Variants in ZFHX3 observed in about 807,000 individuals in gnomAD.
ZFHX3 encodes the protein zinc finger homeobox 3, also known as zinc finger homeobox protein 3.
A neutral mutation model predicts 279.1 loss-of-function variants in ZFHX3; 42 were observed. That is an observed-to-expected ratio of 0.15 (90% CI 0.12 to 0.19). The LOEUF (loss-of-function observed/expected upper bound fraction) is 0.19. ZFHX3 is among the 10% of genes least tolerant of loss of function. The probability of loss-of-function intolerance (pLI) is 1.00; values close to 1 mark genes in which losing one functional copy is unlikely to be tolerated. For missense variants in ZFHX3, 4,981 were observed against 4,754.0 expected, an observed-to-expected ratio of 1.05 and a Z score of -1.40; for synonymous variants, 2,293 against 1,957.8, an observed-to-expected ratio of 1.17 and a Z score of -4.52.
In ZFHX3 at chr16:73,228,044, T is replaced by A. The variant is rs1012724311; in HGVS notation, c.-1104+29003A>T. On this transcript the variant is annotated intron_variant, in intron 5 of 17. Transcript: ENST00000641206. ...ATCTCCATTTTAAAGATAAGGAGAA[T>A]GAGAACCAGAGAAAGTAAATGACTT... Among the ~76,000 whole-genome samples the A allele has an allele frequency of 2.6e-5, 4 of 152,188 alleles. 1 individual carries two copies. The highest frequency in any genetic ancestry group is 2.6e-4 in the Admixed American group (4 of 15,286).
At chr16:73,428,245 C>G (rs746121068) in intron 3 of ZFHX3, among the ~76,000 whole-genome samples, 5 of 152,148 alleles carry the variant, frequency 3.3e-5, no homozygotes, top group Admixed American at 6.5e-5. Flanking sequence ...CGGGGGCACA[C>G]ATGCCGGCCT....
intron 4 of ZFHX3, among the ~76,000 whole-genome samples, chr16:72,862,379 T>C (rs1447824686): frequency 6.6e-6 from 1 of 152,252 alleles, no homozygotes; most frequent in African/African-American, 2.4e-5. Context: ...AGCCTAAATG[T>C]TACCACCTTA....
intron 3 of ZFHX3, among the ~76,000 whole-genome samples, chr16:73,351,786 G>A (rs1406598155): frequency 6.6e-6 from 1 of 152,184 alleles, no homozygotes; most frequent in Non-Finnish European, 1.5e-5. Flanking sequence ...AGCCTTCCAG[G>A]GGGGCAGGTC....
chr16:72,852,927 T>A (rs1364610922), intron 4 of ZFHX3, among the ~76,000 whole-genome samples: 1 of 152,230 alleles, frequency 6.6e-6, no homozygotes, highest in Non-Finnish European at 1.5e-5. Flanking sequence ...CCATTCTGGA[T>A]CCAACTGGAC....
intron 8 of ZFHX3, among the ~76,000 whole-genome samples, chr16:73,079,677 T>C (rs191246522): frequency 4.8e-4 from 73 of 152,068 alleles, no homozygotes; most frequent in Admixed American, 4.5e-3. Context: ...AACCTACACA[T>C]GCTGTATTCT....
intron 1 of ZFHX3, among the ~76,000 whole-genome samples, chr16:73,745,120 A>T (rs757259478): frequency 2.6e-5 from 4 of 152,228 alleles, no homozygotes; most frequent in Non-Finnish European, 4.4e-5. Context: ...TTTTCTTTAT[A>T]GGAAGGGTGG....
At chr16:72,839,421 C>G (rs1237013359) in intron 4 of ZFHX3, among the ~76,000 whole-genome samples, 2 of 152,116 alleles carry the variant, frequency 1.3e-5, no homozygotes, top group African/African-American at 2.4e-5. Flanking sequence ...GTATTTTACA[C>G]AGTTTAACCT....
At chr16:73,000,847 A>G (rs1017011231) in intron 1 of ZFHX3, among the ~76,000 whole-genome samples, 4 of 152,196 alleles carry the variant, frequency 2.6e-5, no homozygotes, top group African/African-American at 9.7e-5. Context: ...CCTTAGGCAA[A>G]GCAATTTTGA....
chr16:73,158,486 C>CT lies in ZFHX3; in HGVS notation c.-1103-14656dup, dbSNP rs567160610. Among the ~76,000 whole-genome samples the CT allele has an allele frequency of 8.5e-4, 129 of 151,546 alleles. 1 individual carries two copies. The South Asian group carries it at 0.023, about 27-fold the overall frequency. ...TCTTTTCTCTTCTTTCTTTTAAAAA[C>CT]TTTTTTTTATCAGTTATATACACTT... On this transcript the variant is annotated intron_variant, in intron 5 of 17. Coordinates refer to the ZFHX3 transcript ENST00000641206.
chr16:72,959,807 G>A lies in ZFHX3; in HGVS notation c.339C>T (p.Ala113=), dbSNP rs62053191. The A allele has an allele frequency of 0.069, 110,212 of 1,595,748 alleles. 4,349 individuals are homozygous for A. The highest frequency in any genetic ancestry group is 0.08 in the Non-Finnish European group (93,008 of 1,169,138). ...RPPPPLREES[A]SDTGEEGDEE... ...CGTCCCCCTCCTCACCGGTGTCGCT[G>A]GCGCTCTCCTCTCTCAGGGGTGGCG... Residue 113 remains alanine (A), a synonymous_variant, in exon 2 of 10, where the codon GCC becomes GCT. Transcript: ENST00000268489.
At chr16:72,930,725 A>G (rs1959745710) in intron 3 of ZFHX3, among the ~76,000 whole-genome samples, 1 of 152,252 alleles carries the variant, frequency 6.6e-6, no homozygotes, top group Non-Finnish European at 1.5e-5. Context: ...ACTACGGAAG[A>G]AAACAAAAAT....
At chr16:72,907,961 G>A (rs1209232857) in intron 3 of ZFHX3, among the ~76,000 whole-genome samples, 1 of 152,034 alleles carries the variant, frequency 6.6e-6, no homozygotes, top group Non-Finnish European at 1.5e-5. Context: ...TGGGATTACA[G>A]CATTAGCCAC....
At chr16:73,596,812 T>A (rs376284046) in intron 2 of ZFHX3, among the ~76,000 whole-genome samples, 30 of 152,220 alleles carry the variant, frequency 2.0e-4, no homozygotes, top group East Asian at 7.7e-4. Flanking sequence ...CTATTTCAGA[T>A]CTGCTATAGT....
chr16:73,107,646 T>C (rs1386869417), intron 7 of ZFHX3, among the ~76,000 whole-genome samples: 4 of 152,210 alleles, frequency 2.6e-5, no homozygotes, highest in Non-Finnish European at 4.4e-5. Flanking sequence ...TTTATTCCCA[T>C]GCTGTGAGCA....
chr16:73,104,374 G>C (rs1168588291), intron 7 of ZFHX3, among the ~76,000 whole-genome samples: 1 of 152,110 alleles, frequency 6.6e-6, no homozygotes, highest in East Asian at 1.9e-4. Context: ...GGGATTACAG[G>C]TGCGCACCAC....
intron 5 of ZFHX3, among the ~76,000 whole-genome samples, chr16:73,155,194 A>C (rs1218022588): frequency 6.6e-6 from 1 of 150,974 alleles, no homozygotes; most frequent in East Asian, 1.9e-4. Flanking sequence ...AAAAAAAAAA[A>C]CAAAAAAAAG....
chr16:73,452,992 T>A (rs1189240861), intron 3 of ZFHX3, among the ~76,000 whole-genome samples: 1 of 152,226 alleles, frequency 6.6e-6, no homozygotes, highest in Non-Finnish European at 1.5e-5. Flanking sequence ...CTCCATTGGG[T>A]TGGACTGACC....
At chr16:73,412,905 G>A (rs537332450) in intron 3 of ZFHX3, among the ~76,000 whole-genome samples, 94 of 152,266 alleles carry the variant, frequency 6.2e-4, no homozygotes, top group Non-Finnish European at 1.1e-3. Flanking sequence ...TCTGTGCTAC[G>A]CTGTTGAAGA....
chr16:73,434,506 T>C (rs2017963408), intron 3 of ZFHX3, among the ~76,000 whole-genome samples: 1 of 152,188 alleles, frequency 6.6e-6, no homozygotes, highest in African/African-American at 2.4e-5. Context: ...AAACAGACTT[T>C]GGAGGCTTTA....
Sources: gnomAD v4.1 joint callset for allele counts (sites outside exome capture counted in the v4.1 genomes callset) on GRCh38, gnomAD v4.1.1 for gene constraint, MANE v1.5 for transcripts, NCBI Gene and HGNC (gene_info 2026-07-23, HGNC 2026-07-21) for gene names.